Variants in SLC6A19 observed in about 807,000 individuals in gnomAD.
The protein encoded by SLC6A19 is sodium-dependent neutral amino acid transporter B(0)AT1.
In SLC6A19, 67 loss-of-function variants were observed where a neutral mutation model predicts 68.3. The ratio of observed to expected loss-of-function variants is 0.98; its 90% CI spans 0.81 to 1.20. The LOEUF is 1.20. Among genes scored for constraint, SLC6A19 ranks in the 50% most tolerant of loss-of-function variants. SLC6A19 has a pLI of 0.00. For missense variants in SLC6A19, 813 were observed against 851.6 expected (o/e 0.95, Z 0.56); for synonymous variants, 392 against 374.9 (o/e 1.05, Z -0.53).
At chr5:1,213,097 G>GC (rs1489252737) in intron 4 of SLC6A19, among the ~76,000 whole-genome samples, 2 of 126,566 alleles carry the variant, frequency 1.6e-5, no homozygotes, top group South Asian at 2.8e-4. Flanking sequence ...CACATGCTCG[G>GC]CCCCCCGTCG....
intron 8 of SLC6A19, 148 bp downstream of exon 8, chr5:1,217,093 C>A: frequency 7.7e-7 from 1 of 1,298,958 alleles, no homozygotes. Context: ...CTCTGCCTGG[C>A]GTCCAGGGCT....
chr5:1,201,699 T>C lies in SLC6A19; in HGVS notation c.49T>C (p.Ser17Pro). 6.2e-7 allele frequency: 1 copy of C among 1,611,616 alleles called. No individual in the cohort carries two copies. Among genetic ancestry groups the C allele is most frequent in the Non-Finnish European group, 8.5e-7 (1 of 1,179,844 alleles). ...PNPGLDARIP[S>P]LAELETIEQE... is the part of the protein sequence containing the mutation. ...CCCCGGCCTAGACGCCCGGATCCCGTCCCTGGCTGAGCTGGAGACCATCGA... is the reference window on the plus strand; with the variant it reads ...CCCCGGCCTAGACGCCCGGATCCCGCCCCTGGCTGAGCTGGAGACCATCGA... The change falls in exon 1 of 12, where the codon TCC becomes CCC. Residue 17 changes from serine to proline, a missense_variant. Ser to Pro is a moderately conservative substitution (Grantham distance 74). Coordinates refer to ENST00000304460, the MANE Select transcript of SLC6A19 (RefSeq NM_001003841.3).
At chr5:1,204,142 G>A (rs781776124) in intron 1 of SLC6A19, among the ~76,000 whole-genome samples, 2 of 152,216 alleles carry the variant, frequency 1.3e-5, no homozygotes, top group Non-Finnish European at 2.9e-5. Flanking sequence ...GGGGAAGCAG[G>A]CAGCCAGGTC....
intron 1 of SLC6A19, among the ~76,000 whole-genome samples, chr5:1,204,610 C>T (rs11956801): frequency 0.078 from 11,894 of 152,306 alleles, 482 homozygotes; most frequent in Middle Eastern, 0.1. Flanking sequence ...CCTCAGTTGC[C>T]CCGTGTGTCC....
intron 2 of SLC6A19, among the ~76,000 whole-genome samples, chr5:1,210,176 G>A (rs1313303020): frequency 3.9e-5 from 6 of 152,272 alleles, no homozygotes; most frequent in East Asian, 1.9e-4. Context: ...GGCAAGCCAG[G>A]CAGGCATGTG....
Position 1,213,972 on chromosome 5 carries a change from C to A in SLC6A19, c.794C>A (p.Pro265Gln). The A allele has an allele frequency of 6.2e-7, 1 of 1,613,472 alleles. No homozygotes were observed. Among genetic ancestry groups the A allele is most frequent in the Non-Finnish European group, 8.5e-7 (1 of 1,180,000 alleles). ...FTPNVTELAQ[P>Q]DTWLDAGAQV... ...GCGCAGGTCACGGAGCTGGCCCAGC[C>A]GGACACCTGGCTGGACGCGGGCGCA... The change falls in exon 6 of 12, where the codon CCG becomes CAG. Residue 265 changes from proline to glutamine, a missense_variant. By Grantham distance (76) the Pro-to-Gln change is moderately conservative. Transcript: ENST00000304460.
Position 1,208,902 on chromosome 5 carries a change from C to G in SLC6A19, c.343+16C>G. The G allele has an allele frequency of 6.2e-7, 1 of 1,607,604 alleles. No individual in the cohort carries two copies. The highest frequency in any genetic ancestry group is 8.5e-7 in the Non-Finnish European group (1 of 1,177,738). On this transcript the variant is annotated intron_variant, in intron 2 of 11. Coordinates refer to ENST00000304460, the MANE Select transcript of SLC6A19 (RefSeq NM_001003841.3). ...AAGGGCCTAGGTGAGTGCCTCGGAGCAGTTCCACCCGGGCCCAGGGGTCGC... is the reference window on the plus strand; with the variant it reads ...AAGGGCCTAGGTGAGTGCCTCGGAGGAGTTCCACCCGGGCCCAGGGGTCGC...
At chr5:1,204,281 G>C (rs1464220912) in intron 1 of SLC6A19, among the ~76,000 whole-genome samples, 2 of 152,224 alleles carry the variant, frequency 1.3e-5, no homozygotes, top group South Asian at 4.1e-4. Context: ...CCTGTGCCAG[G>C]TGGGCAGGCT....
intron 8 of SLC6A19, among the ~76,000 whole-genome samples, chr5:1,217,386 A>C (rs1349567083): frequency 1.3e-5 from 2 of 152,258 alleles, no homozygotes; most frequent in African/African-American, 4.8e-5. Context: ...GATGTCGAGG[A>C]TACTCCACGT....
chr5:1,203,329 A>C (rs926307121), intron 1 of SLC6A19, among the ~76,000 whole-genome samples: 1 of 152,204 alleles, frequency 6.6e-6, no homozygotes, highest in Non-Finnish European at 1.5e-5. Flanking sequence ...GCCGCTGTGC[A>C]CGGTGGAGCC....
chr5:1,207,862 G>A (rs758466806), intron 1 of SLC6A19, among the ~76,000 whole-genome samples: 1 of 152,112 alleles, frequency 6.6e-6, no homozygotes, highest in Non-Finnish European at 1.5e-5. Flanking sequence ...TATTTCAAAG[G>A]TGATCTTACA....
intron 1 of SLC6A19, among the ~76,000 whole-genome samples, chr5:1,208,091 A>T (rs1745906774): frequency 6.6e-6 from 1 of 152,188 alleles, no homozygotes; most frequent in Admixed American, 6.5e-5. Context: ...TACATGTACA[A>T]TTCAGTGGTA....
intron 1 of SLC6A19, among the ~76,000 whole-genome samples, chr5:1,206,650 G>A (rs998081840): frequency 5.3e-5 from 8 of 152,126 alleles, no homozygotes; most frequent in Non-Finnish European, 1.0e-4. Context: ...CCTGGGGGGC[G>A]GGAGGATGAT....
intron 8 of SLC6A19, among the ~76,000 whole-genome samples, chr5:1,217,994 C>T (rs527753361): frequency 1.6e-3 from 196 of 125,400 alleles, no homozygotes; most frequent in Admixed American, 5.8e-3. Context: ...AGAGTTGGCG[C>T]CTCCATCCTG....
chr5:1,213,790 C>T lies in SLC6A19; in HGVS notation c.775-163C>T, dbSNP rs371675764. On this transcript the variant is annotated intron_variant, in intron 5 of 11. Coordinates refer to ENST00000304460, the MANE Select transcript of SLC6A19 (RefSeq NM_001003841.3). Reference sequence around the variant, plus strand: ...GGGTGGCTTTGCCCCTGTGAGCCGACGGAGCCCCCACAGGGAAGGCATAGC... The same window carrying T: ...GGGTGGCTTTGCCCCTGTGAGCCGATGGAGCCCCCACAGGGAAGGCATAGC... Among the ~76,000 whole-genome samples, 97 of 152,162 alleles carry T rather than the reference C, an allele frequency of 6.4e-4. 1 individual carries two copies. In the South Asian group the frequency reaches 0.013, roughly 21 times the overall value.
rs1482822351 is a variant in SLC6A19, at chr5:1,208,792, C to A, written c.249C>A (p.Ile83=). The change falls in exon 2 of 12, where the codon ATC becomes ATA. Residue 83 remains isoleucine (I), a synonymous_variant. Transcript: ENST00000304460. ...PFLILLVLEG[I]PLLYLEFAIG... ...TCATCCTGCTGGTCCTGGAGGGCATCCCCCTGCTGTACCTGGAGTTCGCCA... is the reference window on the plus strand; with the variant it reads ...TCATCCTGCTGGTCCTGGAGGGCATACCCCTGCTGTACCTGGAGTTCGCCA... 4.3e-6 allele frequency: 7 copies of A among 1,613,286 alleles called. No homozygotes were observed. Among genetic ancestry groups the A allele is most frequent in the Admixed American group, 1.7e-5 (1 of 60,006 alleles).
At chr5:1,217,160 T>C (rs1345609005) in intron 8 of SLC6A19, among the ~76,000 whole-genome samples, 1 of 152,248 alleles carries the variant, frequency 6.6e-6, no homozygotes, top group African/African-American at 2.4e-5. Flanking sequence ...CCGAGGCTCC[T>C]GTTAACGCAG....
At position 1,214,105 on chromosome 5, in the gene SLC6A19, C is replaced by A. The variant is rs754483645; in HGVS notation, c.887+40C>A. 1.5e-5 allele frequency: 25 copies of A among 1,613,086 alleles called. No homozygotes were observed. The South Asian group carries it at 2.2e-4, about 14-fold the overall frequency. On this transcript the variant is annotated intron_variant, in intron 6 of 11. Transcript: ENST00000304460. This position sits in a 1 kb window ranked among gnomAD's most constrained non-coding sequence, Gnocchi z 7.4. ...GGTGGGCCTCAGTTTCCCTCTCAGTCCTGGGGGGATCTTGCTGGGAGGATA... is the reference window on the plus strand; with the variant it reads ...GGTGGGCCTCAGTTTCCCTCTCAGTACTGGGGGGATCTTGCTGGGAGGATA...
At position 1,201,598 on chromosome 5, in the gene SLC6A19, C is replaced by T. The variant is rs189970605; in HGVS notation, c.-53C>T. ...GCCCGGCTCCCGGCCCACGGCCACTCGCCCTCCAGCTTCTGCCCTGCCTGC... is the reference window on the plus strand; with the variant it reads ...GCCCGGCTCCCGGCCCACGGCCACTTGCCCTCCAGCTTCTGCCCTGCCTGC... On this transcript the variant is annotated 5_prime_UTR_variant, in exon 1 of 12. Coordinates refer to ENST00000304460, the MANE Select transcript of SLC6A19 (RefSeq NM_001003841.3). 920 of 1,568,136 alleles carry T rather than the reference C, an allele frequency of 5.9e-4. 1 individual carries two copies. The highest frequency in any genetic ancestry group is 1.5e-3 in the Admixed American group (83 of 55,124).
Sources: allele counts gnomAD v4.1 joint callset (sites outside exome capture counted in the v4.1 genomes callset), GRCh38; gene constraint gnomAD v4.1.1; non-coding constraint Gnocchi (gnomAD v3.1); transcripts MANE v1.5; gene names NCBI Gene and HGNC (gene_info 2026-07-23, HGNC 2026-07-21).